The following ACRBP variants were observed in gnomAD, a reference collection of about 807,000 sequenced individuals.
ACRBP encodes the protein acrosin-binding protein.
Under a neutral mutation model 69.0 loss-of-function variants are expected in ACRBP, and 52 were observed. The observed-to-expected ratio is 0.75, with a 90% CI of 0.60 to 0.95. ACRBP has a LOEUF of 0.95. Among genes scored for constraint, ACRBP ranks in the 40% least tolerant of loss-of-function variants. The pLI is 0.00. For missense variants in ACRBP, 604 were observed against 673.0 expected, an observed-to-expected ratio of 0.90 and a Z score of 1.13; for synonymous variants, 267 against 258.9, an observed-to-expected ratio of 1.03 and a Z score of -0.30.
At chr12:6,645,183 G>A (rs2136251418) in intron 4 of ACRBP, 37 bp downstream of exon 4, 1 of 1,491,118 alleles carries the variant, frequency 6.7e-7, no homozygotes, top group Non-Finnish European at 9.3e-7. Flanking sequence ...AGTTGTGGGA[G>A]TAGCTGGTGG....
At chr12:6,638,620 A>G (rs1949028575) in intron 9 of ACRBP, 4 of 1,276,364 alleles carry the variant, frequency 3.1e-6, no homozygotes, top group Non-Finnish European at 3.1e-6. Flanking sequence ...GCTGAGGCTC[A>G]GAGGGGGAAG....
rs761796073 is a variant in ACRBP, at chr12:6,645,280, C to T, written c.415G>A (p.Glu139Lys). Residue 139 changes from glutamate to lysine, a missense_variant, in exon 4 of 10, where the codon GAA becomes AAA. Glu to Lys is a moderately conservative substitution (Grantham distance 56). Coordinates refer to ENST00000229243, the MANE Select transcript of ACRBP (RefSeq NM_032489.3). ...ILSPNTLKEIEASAEVSPTTM... is the reference protein window; with the variant it reads ...ILSPNTLKEIKASAEVSPTTM... ...GTGGGTGAGACTTCAGCTGAAGCTT[C>T]TATCTCCTTGAGAGTGTTAGGTGAG... The T allele has an allele frequency of 1.9e-6, 3 of 1,613,920 alleles. No homozygotes were observed. In the East Asian group the frequency reaches 6.7e-5, roughly 36 times the overall value.
At chr12:6,643,973 A>G (rs1371864098) in intron 5 of ACRBP, 164 bp downstream of exon 5, 3 of 1,370,120 alleles carry the variant, frequency 2.2e-6, no homozygotes. Context: ...AGCAGTGCTT[A>G]AGCCAACAAT....
intron 8 of ACRBP, 134 bp downstream of exon 8, chr12:6,639,926 G>C (rs922926056): frequency 6.7e-6 from 7 of 1,050,734 alleles, no homozygotes; most frequent in Non-Finnish European, 9.5e-6. Flanking sequence ...AGAGGCAGGA[G>C]ATTCAGTGAG....
intron 9 of ACRBP, 23 bp from the exon 10 acceptor site, chr12:6,638,427 C>T (rs765024556): frequency 6.8e-6 from 11 of 1,613,560 alleles, no homozygotes; most frequent in South Asian, 3.3e-5. Context: ...TCAGTGCAGA[C>T]GGTCTGTATC....
rs541437635 is a variant in ACRBP at position 6,639,044 on chromosome 12, C to G, written c.1426-7G>C. The G allele has an allele frequency of 9.9e-6, 16 of 1,612,872 alleles. No homozygotes were observed. In the East Asian group the frequency reaches 3.1e-4, roughly 31 times the overall value. Reference sequence around the variant, plus strand: ...TATAGTCTGTGTCACAAATCTAAGCCAAGAGCCAGAGAGAGGGAAGAGGGT... The same window carrying G: ...TATAGTCTGTGTCACAAATCTAAGCGAAGAGCCAGAGAGAGGGAAGAGGGT... On this transcript the variant is annotated splice_polypyrimidine_tract_variant and splice_region_variant and intron_variant, in intron 8 of 9. Coordinates refer to ENST00000229243, the MANE Select transcript of ACRBP (RefSeq NM_032489.3).
In ACRBP at chr12:6,644,524, A is replaced by G. The variant is rs1565392693; in HGVS notation, c.557T>C (p.Leu186Pro). The change falls in exon 5 of 10, where the codon CTG becomes CCG. Residue 186 changes from leucine (L) to proline (P), a missense_variant. Around this residue, in one of 3 missense-constraint regions of ACRBP, gnomAD observed 532 missense variants for 562.9 expected, o/e 0.95. Transcript: ENST00000229243. ...CTCTGGCGCTTGCTCCTGGCCTCCC[A>G]GGGACAAGGAGGATTGTAGGAGCTC... is the stretch of plus-strand genomic sequence containing the variant. ...VEELLQSSLS[L>P]GGQEQAPEHK... The G allele has an allele frequency of 6.2e-7, 1 of 1,613,916 alleles. No homozygotes were observed. Among genetic ancestry groups the G allele is most frequent in the South Asian group, 1.1e-5 (1 of 91,062 alleles).
At chr12:6,639,165 AG>A in intron 8 of ACRBP, 128 bp from the exon 9 acceptor site, 1 of 788,614 alleles carries the variant, frequency 1.3e-6, no homozygotes, top group South Asian at 1.6e-5. Flanking sequence ...TTCCACACAC[AG>A]GCGGCCCCTC....
chr12:6,646,544 C>A lies in ACRBP; in HGVS notation c.296G>T (p.Trp99Leu), dbSNP rs1286517964. 1 of 1,614,034 alleles carries A rather than the reference C, an allele frequency of 6.2e-7. No homozygotes were observed. Among genetic ancestry groups the A allele is most frequent in the South Asian group, 1.1e-5 (1 of 91,072 alleles). Reference protein sequence around the residue: ...AVCSNLPYASWFESFCQFTHY... With the variant: ...AVCSNLPYASLFESFCQFTHY... ...AGTGAACTGGCAGAAAGACTCAAACCAGGAGGCATAAGGGAGGTTGGAGCA... is the reference window on the plus strand; with the variant it reads ...AGTGAACTGGCAGAAAGACTCAAACAAGGAGGCATAAGGGAGGTTGGAGCA... Residue 99 changes from tryptophan (W) to leucine (L), a missense_variant, in exon 3 of 10, where the codon TGG becomes TTG. By Grantham distance (61) the Trp-to-Leu change is moderately conservative. Coordinates refer to ENST00000229243, the MANE Select transcript of ACRBP (RefSeq NM_032489.3).
In ACRBP at chr12:6,640,503, C is replaced by T. The variant is rs1324862088; in HGVS notation, c.1097G>A (p.Arg366Gln). ...GAGGGCACAGGTAGACATGTGTCGC[C>T]GCCCAAGGCTGTCACAGACCTGGGG... ...FGKSVCDSLGRRHMSTCALCD... is the reference protein window; with the variant it reads ...FGKSVCDSLGQRHMSTCALCD... The change falls in exon 7 of 10, where the codon CGG becomes CAG. Residue 366 changes from arginine (R) to glutamine (Q), a missense_variant. Physicochemically the swap from Arg to Gln is conservative, Grantham distance 43 (BLOSUM62 1). Around this residue, in one of 3 missense-constraint regions of ACRBP, gnomAD observed 532 missense variants for 562.9 expected, o/e 0.95. Coordinates refer to ENST00000229243, the MANE Select transcript of ACRBP (RefSeq NM_032489.3). The surrounding 1 kb of genome is among the most constrained non-coding windows in gnomAD (Gnocchi z 5.3). The T allele has an allele frequency of 3.7e-6, 6 of 1,613,838 alleles. No individual in the cohort carries two copies. The highest frequency in any genetic ancestry group is 2.2e-5 in the East Asian group (1 of 44,870).
At chr12:6,644,755 C>T in intron 4 of ACRBP, 150 bp from the exon 5 acceptor site, 1 of 1,314,550 alleles carries the variant, frequency 7.6e-7, no homozygotes, top group East Asian at 2.6e-5. Context: ...AAGTATTAAA[C>T]TAAAAGAACA....
At chr12:6,646,745 T>G (rs748160304) in intron 2 of ACRBP, 49 bp downstream of exon 2, 7 of 1,606,470 alleles carry the variant, frequency 4.4e-6, no homozygotes, top group Non-Finnish European at 6.0e-6. Context: ...CCCTGAGGTT[T>G]GGGTGAACAC....
chr12:6,638,457 G>A, intron 9 of ACRBP, 53 bp from the exon 10 acceptor site: 5 of 1,611,300 alleles, frequency 3.1e-6, no homozygotes, highest in South Asian at 1.1e-5. Flanking sequence ...GGTGCCAGGA[G>A]TGGGGAGGAG....
intron 3 of ACRBP, 60 bp from the exon 4 acceptor site, chr12:6,645,397 T>A: frequency 7.5e-7 from 1 of 1,338,180 alleles, no homozygotes; most frequent in South Asian, 1.2e-5. Context: ...CTGCTCCAGC[T>A]GGTTCTTCAA....
At position 6,640,016 on chromosome 12, in the gene ACRBP, G is replaced by C. The variant is rs1949039699; in HGVS notation, c.1425+44C>G. Reference sequence around the variant, plus strand: ...CACAGCAAGTAACTGGAAGGAATGGGGTGAGGGTAGGGATGGGGCTGAGCT... The same window carrying C: ...CACAGCAAGTAACTGGAAGGAATGGCGTGAGGGTAGGGATGGGGCTGAGCT... On this transcript the variant is annotated intron_variant, in intron 8 of 9. Transcript: ENST00000229243. The surrounding 1 kb of genome is among the most constrained non-coding windows in gnomAD (Gnocchi z 5.3). The C allele has an allele frequency of 6.2e-7, 1 of 1,605,872 alleles. No homozygotes were observed. Among genetic ancestry groups the C allele is most frequent in the Middle Eastern group, 1.7e-4 (1 of 6,022 alleles).
chr12:6,638,472 G>T, intron 9 of ACRBP, 68 bp from the exon 10 acceptor site: 1 of 1,602,858 alleles, frequency 6.2e-7, no homozygotes, highest in Non-Finnish European at 8.5e-7. Flanking sequence ...GAGGAGGGGA[G>T]GTGTCAGAAG....
Position 6,643,645 on chromosome 12 carries a change from G to C in ACRBP, c.971C>G (p.Ala324Gly), listed in dbSNP as rs758763792. 70 of 1,614,072 alleles carry C rather than the reference G, an allele frequency of 4.3e-5. No individual in the cohort carries two copies. The highest frequency in any genetic ancestry group is 5.8e-5 in the Non-Finnish European group (68 of 1,180,028). The change falls in exon 6 of 10, where the codon GCC becomes GGC. Residue 324 changes from alanine (A) to glycine (G), a missense_variant. Physicochemically the swap from Ala to Gly is moderately conservative, Grantham distance 60. Around this residue, in one of 3 missense-constraint regions of ACRBP, gnomAD observed 532 missense variants for 562.9 expected, o/e 0.95. Coordinates refer to ENST00000229243, the MANE Select transcript of ACRBP (RefSeq NM_032489.3). ...GSLLQLPHTE[A>G]LLVLCYSIVE... is the part of the protein sequence containing the mutation. ...GATCGAATAGCACAGCACCAGCAAGGCCTCTGTGTGGGGCAGCTGCAGGAG... is the reference window on the plus strand; with the variant it reads ...GATCGAATAGCACAGCACCAGCAAGCCCTCTGTGTGGGGCAGCTGCAGGAG...
At position 6,646,894 on chromosome 12, in the gene ACRBP, C is replaced by G. The variant is rs777823615; in HGVS notation, c.162G>C (p.Trp54Cys). The change falls in exon 2 of 10, where the codon TGG (tryptophan) becomes TGC (cysteine). Residue 54 changes from tryptophan to cysteine, a missense_variant. Physicochemically the swap from Trp to Cys is radical, Grantham distance 215. Coordinates refer to ENST00000229243, the MANE Select transcript of ACRBP (RefSeq NM_032489.3). ...ERFFALLTPT[W>C]KAETTCRLRA... ...GGAGACGGCAGGTAGTCTCTGCCTT[C>G]CAGGTTGGAGTCAGCAGTGCGAAGA... is the stretch of plus-strand genomic sequence containing the variant. The G allele has an allele frequency of 8.7e-6, 14 of 1,614,142 alleles. No individual in the cohort carries two copies. The South Asian group carries it at 1.4e-4, about 16-fold the overall frequency.
chr12:6,644,015 G>A (rs1389739420), intron 5 of ACRBP, 122 bp downstream of exon 5: 27 of 1,478,144 alleles, frequency 1.8e-5, no homozygotes, highest in African/African-American at 2.8e-5. Context: ...GTTGCTAGCT[G>A]TGCCTGAAGT....
Sources: allele counts gnomAD v4.1 joint callset, GRCh38; gene constraint gnomAD v4.1.1; regional missense constraint gnomAD v4.1.1; non-coding constraint Gnocchi (gnomAD v3.1); transcripts MANE v1.5; gene names NCBI Gene and HGNC (gene_info 2026-07-23, HGNC 2026-07-21).